Variants in MACC1 observed in about 807,000 individuals in gnomAD.
The protein encoded by MACC1 is MET transcriptional regulator MACC1.
Under a neutral mutation model 70.7 loss-of-function variants are expected in MACC1, and 79 were observed. That is an observed-to-expected ratio of 1.12 (90% CI 0.93 to 1.35). MACC1 has a LOEUF of 1.35. Among genes scored for constraint, MACC1 ranks in the 40% most tolerant of loss-of-function variants. The pLI is 0.00. For synonymous variants in MACC1, 361 were observed against 347.2 expected (o/e 1.04, Z -0.44); for missense variants, 1,106 against 978.1 (o/e 1.13, Z -1.74).
At chr7:20,182,271 A>C (rs564505803) in intron 1 of MACC1, among the ~76,000 whole-genome samples, 165 of 152,146 alleles carry the variant, frequency 1.1e-3, no homozygotes, top group Admixed American at 2.9e-3. Context: ...CAGCACACCA[A>C]CATGGCACAT....
At chr7:20,169,503 T>A (rs552582565) in intron 2 of MACC1, among the ~76,000 whole-genome samples, 1 of 152,232 alleles carries the variant, frequency 6.6e-6, no homozygotes, top group African/African-American at 2.4e-5. Context: ...ACTTGCATGG[T>A]CTTTTCTAGC....
chr7:20,143,726 CG>C (rs1253149961), intron 6 of MACC1, among the ~76,000 whole-genome samples: 3 of 152,094 alleles, frequency 2.0e-5, no homozygotes, highest in Non-Finnish European at 4.4e-5. Context: ...AGAGTAGTGT[CG>C]ATAGCTCTTG....
At chr7:20,202,436 A>G (rs1782846541) in intron 1 of MACC1, among the ~76,000 whole-genome samples, 1 of 152,216 alleles carries the variant, frequency 6.6e-6, no homozygotes, top group African/African-American at 2.4e-5. Flanking sequence ...GATACATTTC[A>G]TACTTGCCTT....
chr7:20,194,214 C>G (rs184002572), intron 1 of MACC1, among the ~76,000 whole-genome samples: 2 of 151,970 alleles, frequency 1.3e-5, no homozygotes, highest in African/African-American at 4.8e-5. Flanking sequence ...GGGTTTTTGC[C>G]GCTTTTTTTA....
chr7:20,156,896 T>G (rs1273568237), intron 5 of MACC1, among the ~76,000 whole-genome samples: 1 of 152,212 alleles, frequency 6.6e-6, no homozygotes, highest in Non-Finnish European at 1.5e-5. Context: ...ATAATTTTAT[T>G]TACCTTCTAC....
At chr7:20,161,624 T>C (rs1306243659) in intron 4 of MACC1, 124 bp downstream of exon 4, 2 of 603,116 alleles carry the variant, frequency 3.3e-6, no homozygotes, top group East Asian at 2.8e-5. Context: ...ATTTCTATGA[T>C]AAAAACAAGA....
At chr7:20,154,164 C>G (rs1259335398) in intron 6 of MACC1, 29 bp downstream of exon 6, 2 of 1,611,568 alleles carry the variant, frequency 1.2e-6, no homozygotes, top group East Asian at 4.5e-5. Flanking sequence ...CAACTTTTCA[C>G]TATTGAATTA....
At chr7:20,206,851 T>G (rs1224815694) in intron 1 of MACC1, among the ~76,000 whole-genome samples, 1 of 152,230 alleles carries the variant, frequency 6.6e-6, no homozygotes, top group Non-Finnish European at 1.5e-5. Flanking sequence ...GTTAGATACC[T>G]GTGTCAGAAA....
intron 6 of MACC1, chr7:20,142,130 C>T (rs1052048459): frequency 6.6e-6 from 1 of 152,206 alleles, no homozygotes; most frequent in East Asian, 1.9e-4. Flanking sequence ...ACATAGACTC[C>T]GAGCTAAATA....
chr7:20,202,541 A>G (rs1166185832), intron 1 of MACC1, among the ~76,000 whole-genome samples: 1 of 152,224 alleles, frequency 6.6e-6, no homozygotes, highest in Non-Finnish European at 1.5e-5. Context: ...TCAATTTTAC[A>G]TCTATTAAGT....
In MACC1 at chr7:20,196,832, G is replaced by T. The variant is rs183125637; in HGVS notation, c.-218+20467C>A. Among the ~76,000 whole-genome samples, 4 of 152,140 alleles carry T rather than the reference G, an allele frequency of 2.6e-5. No homozygotes were observed. In the East Asian group the frequency reaches 7.7e-4, roughly 29 times the overall value. On this transcript the variant is annotated intron_variant, in intron 1 of 6. Coordinates refer to ENST00000400331, the MANE Select transcript of MACC1 (RefSeq NM_182762.4). ...AAATAAATAAAGCAAAGTTCCTTTG[G>T]CTGAAAGGTAAAAGGATCAAAGCCC...
intron 6 of MACC1, among the ~76,000 whole-genome samples, chr7:20,146,334 C>T (rs1781891185): frequency 6.6e-6 from 1 of 152,060 alleles, no homozygotes; most frequent in African/African-American, 2.4e-5. Context: ...TTTTTTATCT[C>T]ATTTCATTCT....
chr7:20,183,710 C>CTT (rs59702885), intron 1 of MACC1, among the ~76,000 whole-genome samples: 47,998 of 140,390 alleles, frequency 0.34, 9,695 homozygotes, highest in East Asian at 0.8. Context: ...CTGATTCTAA[C>CTT]TTTTTTTTTT....
At position 20,136,757 on chromosome 7, in the gene MACC1, G is replaced by T. The variant is rs567580691; in HGVS notation, c.*4189C>A. 2 of 151,880 alleles carry T rather than the reference G, an allele frequency of 1.3e-5. No homozygotes were observed. Among genetic ancestry groups the T allele is most frequent in the Non-Finnish European group, 2.9e-5 (2 of 67,950 alleles). 9.4% of individuals were successfully genotyped at this position (151,880 alleles called of 1,614,324 possible). On this transcript the variant is annotated 3_prime_UTR_variant, in exon 7 of 7. Coordinates refer to ENST00000400331, the MANE Select transcript of MACC1 (RefSeq NM_182762.4). ...ATGTGGGAGAAAAGTTCATACAGAA[G>T]GAGGAGGGACTTACTTCTCCTCCTT...
rs1259073507 is a variant in MACC1, at chr7:20,161,858, A to T, written c.5T>A (p.Leu2Gln). 6.2e-7 allele frequency: 1 copy of T among 1,603,156 alleles called. No individual in the cohort carries two copies. Among genetic ancestry groups the T allele is most frequent in the Non-Finnish European group, 8.5e-7 (1 of 1,170,582 alleles). M[L>Q]ITERKHFRSG... ...CCGAAAATGTTTTCTTTCAGTGATT[A>T]GCATTTTTCCACCTACAAAGTAAAT... The change falls in exon 4 of 7, where the codon CTA becomes CAA. Residue 2 changes from leucine (L) to glutamine (Q), a missense_variant. Physicochemically the swap from Leu to Gln is moderately radical, Grantham distance 113. Transcript: ENST00000400331.
rs1260598223 is a variant in MACC1, at chr7:20,137,497, AT to A, written c.*3448del. ...GAGGATCTGTGGCTTATACAGAAAA[AT>A]TATTATGTTTCAAGCTGGGCACTTA... On this transcript the variant is annotated 3_prime_UTR_variant, in exon 7 of 7. Transcript: ENST00000400331. 6.6e-6 allele frequency: 1 copy of A among 152,232 alleles called. No homozygotes were observed. The highest frequency in any genetic ancestry group is 1.5e-5 in the Non-Finnish European group (1 of 68,036). The allele number at this position is 152,232 out of a possible 1,614,324, so 9.4% of individuals were successfully genotyped here. A position where few individuals can be genotyped will look rare whatever the true frequency, so the allele number is the denominator to read the frequency against.
At chr7:20,182,266 C>A (rs566327199) in intron 1 of MACC1, among the ~76,000 whole-genome samples, 9 of 151,818 alleles carry the variant, frequency 5.9e-5, no homozygotes, top group African/African-American at 2.2e-4. Flanking sequence ...GGGTGCAGCA[C>A]ACCAACATGG....
intron 3 of MACC1, among the ~76,000 whole-genome samples, 153 bp downstream of exon 3, chr7:20,164,103 A>T (rs1782176937): frequency 6.6e-6 from 1 of 151,950 alleles, no homozygotes; most frequent in Non-Finnish European, 1.5e-5. Flanking sequence ...GTCCTGTCTG[A>T]TGTTTGTATT....
intron 1 of MACC1, among the ~76,000 whole-genome samples, chr7:20,185,463 G>A (rs138459425): frequency 7.4e-6 from 1 of 135,942 alleles, no homozygotes; most frequent in East Asian, 2.2e-4. Context: ...AAATGAGATG[G>A]TGCTTACAAA....
Sources: gnomAD v4.1 joint callset for allele counts (sites outside exome capture counted in the v4.1 genomes callset) on GRCh38, gnomAD v4.1.1 for gene constraint, MANE v1.5 for transcripts, NCBI Gene and HGNC (gene_info 2026-07-23, HGNC 2026-07-21) for gene names.